The following DGKI variants were observed in gnomAD, a reference collection of about 807,000 sequenced individuals.
DGKI encodes diacylglycerol kinase iota, also known as DAG kinase iota.
Under a neutral mutation model 147.5 loss-of-function variants are expected in DGKI, and 55 were observed. That is an observed-to-expected ratio of 0.37 (90% CI 0.30 to 0.47). The LOEUF is 0.47. Among genes scored for constraint, DGKI ranks in the 20% least tolerant of loss-of-function variants. DGKI has a pLI of 1.00. For synonymous variants in DGKI, 469 were observed against 477.1 expected, an observed-to-expected ratio of 0.98 and a Z score of 0.22; for missense variants, 1,007 against 1,323.8, an observed-to-expected ratio of 0.76 and a Z score of 3.71.
At chr7:137,732,628 T>C (rs796526492) in intron 1 of DGKI, among the ~76,000 whole-genome samples, 4 of 152,146 alleles carry the variant, frequency 2.6e-5, no homozygotes, top group African/African-American at 9.6e-5. Context: ...TAATGTTTGC[T>C]CCAAACCTCC....
chr7:137,392,832 A>G (rs1320357846), intron 32 of DGKI, among the ~76,000 whole-genome samples: 1 of 138,930 alleles, frequency 7.2e-6, no homozygotes, highest in African/African-American at 2.7e-5. Flanking sequence ...AGAAATTCTC[A>G]GGATGCTGCT....
chr7:137,440,377 C>T (rs1731915), intron 28 of DGKI, among the ~76,000 whole-genome samples: 7,346 of 152,180 alleles, frequency 0.048, 590 homozygotes, highest in African/African-American at 0.17. Context: ...TCATTACCAG[C>T]AGGAGGGAGA....
intron 30 of DGKI, among the ~76,000 whole-genome samples, chr7:137,404,513 T>C (rs578228240): frequency 6.6e-6 from 1 of 152,272 alleles, no homozygotes; most frequent in African/African-American, 2.4e-5. Flanking sequence ...GGACTGAACA[T>C]CATAATAACA....
At chr7:137,701,365 TTAA>T (rs35951392) in intron 1 of DGKI, among the ~76,000 whole-genome samples, 1 of 150,750 alleles carries the variant, frequency 6.6e-6, no homozygotes, top group African/African-American at 2.4e-5. Flanking sequence ...GAAAATAAAG[TTAA>T]TAATAATAAT....
chr7:137,427,282 A>G (rs1812856342), intron 28 of DGKI, among the ~76,000 whole-genome samples: 1 of 152,332 alleles, frequency 6.6e-6, no homozygotes, highest in African/African-American at 2.4e-5. Context: ...AAACTGAACA[A>G]CCTGCTCCTG....
At chr7:137,516,253 G>A (rs1816741893) in intron 21 of DGKI, among the ~76,000 whole-genome samples, 1 of 152,042 alleles carries the variant, frequency 6.6e-6, no homozygotes, top group Non-Finnish European at 1.5e-5. Context: ...CTCTACTAAG[G>A]AAATATGCTG....
chr7:137,511,448 G>T (rs1816578001), intron 21 of DGKI, among the ~76,000 whole-genome samples: 1 of 152,144 alleles, frequency 6.6e-6, no homozygotes, highest in African/African-American at 2.4e-5. Flanking sequence ...ATTTTACTTT[G>T]CTAATTCAGA....
intron 25 of DGKI, 141 bp from the exon 26 acceptor site, chr7:137,466,176 G>T: frequency 9.8e-7 from 1 of 1,023,480 alleles, no homozygotes. Flanking sequence ...CCTCCCCAAA[G>T]CTGCGCTAAC....
chr7:137,675,105 A>G (rs973159402), intron 3 of DGKI, among the ~76,000 whole-genome samples: 4 of 152,176 alleles, frequency 2.6e-5, no homozygotes, highest in Non-Finnish European at 5.9e-5. Context: ...CCCAAAAAAG[A>G]CTGTTGTTCT....
Position 137,773,290 on chromosome 7 carries a change from C to T in DGKI, c.401+73172G>A, listed in dbSNP as rs3778817. ...GCACGGAAGGGTAGGAAAAACTCTGCAAAGACATGACACTTTGGGAAAACC... is the reference window on the plus strand; with the variant it reads ...GCACGGAAGGGTAGGAAAAACTCTGTAAAGACATGACACTTTGGGAAAACC... On this transcript the variant is annotated intron_variant, in intron 1 of 32. Transcript: ENST00000614521. Among the ~76,000 whole-genome samples the T allele has an allele frequency of 2.6e-3, 398 of 152,250 alleles. 20 individuals are homozygous for T. The East Asian group carries it at 0.069, about 26-fold the overall frequency.
At chr7:137,423,927 A>T (rs535419771) in intron 28 of DGKI, among the ~76,000 whole-genome samples, 17 of 152,240 alleles carry the variant, frequency 1.1e-4, no homozygotes, top group Non-Finnish European at 2.1e-4. Flanking sequence ...GTGCAGCTTT[A>T]CATAGGTATA....
chr7:137,493,970 A>G, intron 21 of DGKI: 1 of 550,338 alleles, frequency 1.8e-6, no homozygotes, highest in Non-Finnish European at 3.2e-6. Flanking sequence ...TGAAATGACC[A>G]TTTTAAGAAA....
intron 30 of DGKI, among the ~76,000 whole-genome samples, chr7:137,402,918 T>C (rs993641005): frequency 6.6e-6 from 1 of 152,090 alleles, no homozygotes; most frequent in South Asian, 2.1e-4. Context: ...AAATAACCCA[T>C]TGAAATCAAA....
chr7:137,834,447 G>T (rs1375179495), intron 1 of DGKI, among the ~76,000 whole-genome samples: 1 of 152,130 alleles, frequency 6.6e-6, no homozygotes, highest in African/African-American at 2.4e-5. Context: ...CACCACAATG[G>T]GAATAACCAT....
chr7:137,630,985 G>GTT (rs141900290), intron 6 of DGKI, among the ~76,000 whole-genome samples: 21 of 151,466 alleles, frequency 1.4e-4, no homozygotes, highest in African/African-American at 4.8e-4. Context: ...ACAAAGCAGG[G>GTT]TTTTTTTTGA....
chr7:137,704,103 C>T (rs926450646), intron 1 of DGKI, among the ~76,000 whole-genome samples: 1 of 152,128 alleles, frequency 6.6e-6, no homozygotes, highest in Non-Finnish European at 1.5e-5. Context: ...TCCAGCTACT[C>T]AGGAGGCTGA....
intron 1 of DGKI, among the ~76,000 whole-genome samples, chr7:137,776,925 C>T (rs776274464): frequency 6.6e-5 from 10 of 152,038 alleles, no homozygotes; most frequent in African/African-American, 9.7e-5. Flanking sequence ...TAGCTGATGC[C>T]TATAATCCCA....
At chr7:137,633,272 A>G (rs973159867) in intron 6 of DGKI, among the ~76,000 whole-genome samples, 1 of 151,354 alleles carries the variant, frequency 6.6e-6, no homozygotes, top group Non-Finnish European at 1.5e-5. Flanking sequence ...CAGAGAGTCT[A>G]CTGGTTCCAC....
At position 137,844,970 on chromosome 7, in the gene DGKI, T is replaced by C. The variant is rs1380676465; in HGVS notation, c.401+1492A>G. On this transcript the variant is annotated intron_variant, in intron 1 of 32. Transcript: ENST00000614521. ...CCCCCAGGGGCCAGACGGGCCATCA[T>C]AACTAGGAAGTAGAACTGCCAGTGT... 2.0e-5 allele frequency among the ~76,000 whole-genome samples: 3 copies of C among 152,194 alleles called. No homozygotes were observed. In the South Asian group the frequency reaches 6.2e-4, roughly 31 times the overall value.
Sources: gnomAD v4.1 joint callset for allele counts (sites outside exome capture counted in the v4.1 genomes callset) on GRCh38, gnomAD v4.1.1 for gene constraint, MANE v1.5 for transcripts, NCBI Gene and HGNC (gene_info 2026-07-23, HGNC 2026-07-21) for gene names.